The following FNDC3A variants were observed in gnomAD, a reference collection of about 807,000 sequenced individuals.
The protein encoded by FNDC3A is fibronectin type III domain containing 3A, also known as fibronectin type-III domain-containing protein 3A.
In FNDC3A, 32 loss-of-function variants were observed where a neutral mutation model predicts 148.9. That is an observed-to-expected ratio of 0.21 (90% confidence interval 0.16 to 0.29). FNDC3A has a LOEUF of 0.29. FNDC3A is among the 10% of genes least tolerant of loss of function. The pLI is 1.00. For missense variants in FNDC3A, 1,191 were observed against 1,452.8 expected, an observed-to-expected ratio of 0.82 and a Z score of 2.93; for synonymous variants, 472 against 473.6, an observed-to-expected ratio of 1.00 and a Z score of 0.04.
At chr13:49,029,943 G>C (rs893468222) in intron 2 of FNDC3A, among the ~76,000 whole-genome samples, 7 of 152,088 alleles carry the variant, frequency 4.6e-5, no homozygotes, top group Non-Finnish European at 1.0e-4. Context: ...CGTATAACAA[G>C]TAAAGAGATT....
intron 5 of FNDC3A, among the ~76,000 whole-genome samples, chr13:49,135,613 C>T (rs1440491870): frequency 6.6e-6 from 1 of 152,106 alleles, no homozygotes; most frequent in Non-Finnish European, 1.5e-5. Context: ...TCTTAAGGCA[C>T]TGCTAAATTA....
intron 3 of FNDC3A, among the ~76,000 whole-genome samples, chr13:49,101,999 T>C (rs983225546): frequency 6.6e-6 from 1 of 151,886 alleles, no homozygotes; most frequent in Non-Finnish European, 1.5e-5. Flanking sequence ...AGACTAGCCT[T>C]CCTCCTTTTT....
chr13:49,002,277 T>G (rs1303830208), intron 1 of FNDC3A, among the ~76,000 whole-genome samples: 1 of 152,186 alleles, frequency 6.6e-6, no homozygotes, highest in Non-Finnish European at 1.5e-5. Flanking sequence ...CACCATTGAG[T>G]GTGATCTTTC....
chr13:49,106,772 G>GCAAAAAAAAAAAAAAAAAAAAA (rs1555291718), intron 3 of FNDC3A, among the ~76,000 whole-genome samples: 2 of 7,884 alleles, frequency 2.5e-4, no homozygotes, highest in Non-Finnish European at 5.1e-4. Context: ...GTGAATGAAA[G>GCAAAAAAAAAAAAAAAAAAAAA]CAAAAAAAAA....
rs1006774749 is a variant in FNDC3A, at chr13:49,070,351, AAATT to A, written c.100-4932_100-4929del. Reference sequence around the variant, plus strand: ...CTCATTAAAAAAATAAAAACAGGAAAAATTAATTATAACATTTTAACCCAGTATG... The same window carrying A: ...CTCATTAAAAAAATAAAAACAGGAAAAATTATAACATTTTAACCCAGTATG... On this transcript the variant is annotated intron_variant, in intron 2 of 25. Coordinates refer to ENST00000492622, the MANE Select transcript of FNDC3A (RefSeq NM_001079673.2). Among the ~76,000 whole-genome samples, 3 of 152,090 alleles carry A rather than the reference AAATT, an allele frequency of 2.0e-5. 1 individual carries two copies. The highest frequency in any genetic ancestry group is 2.0e-4 in the Admixed American group (3 of 15,270).
intron 2 of FNDC3A, among the ~76,000 whole-genome samples, chr13:49,070,776 C>G (rs1384817501): frequency 6.6e-6 from 1 of 152,042 alleles, no homozygotes; most frequent in Non-Finnish European, 1.5e-5. Context: ...TTTCAGCTCC[C>G]ACATGTGAGT....
At chr13:48,979,992 T>G (rs928039) in intron 1 of FNDC3A, among the ~76,000 whole-genome samples, 151,140 of 152,200 alleles carry the variant, frequency 0.99, 75,057 homozygotes, top group Middle Eastern at 1. Flanking sequence ...ACTGTGAAAT[T>G]TCTTGCATCA....
intron 5 of FNDC3A, among the ~76,000 whole-genome samples, chr13:49,135,891 T>C (rs950286359): frequency 1.3e-5 from 2 of 152,122 alleles, no homozygotes; most frequent in Non-Finnish European, 2.9e-5. Flanking sequence ...CTTTTTTGAG[T>C]TATAAGGGAA....
intron 3 of FNDC3A, among the ~76,000 whole-genome samples, chr13:49,086,192 A>G (rs751664537): frequency 6.6e-6 from 1 of 152,084 alleles, no homozygotes; most frequent in Non-Finnish European, 1.5e-5. Context: ...TCTCCCATCT[A>G]TCTTTGTAGG....
intron 14 of FNDC3A, among the ~76,000 whole-genome samples, chr13:49,185,540 A>G (rs1247154046): frequency 1.3e-5 from 2 of 152,330 alleles, no homozygotes; most frequent in African/African-American, 4.8e-5. Context: ...GTCATTAAGT[A>G]TAACACACAC....
intron 8 of FNDC3A, among the ~76,000 whole-genome samples, chr13:49,161,474 A>G (rs1393470443): frequency 6.6e-6 from 1 of 151,278 alleles, no homozygotes; most frequent in Non-Finnish European, 1.5e-5. Flanking sequence ...CCATCCCTTT[A>G]TTTTGAGCCT....
chr13:49,020,841 CAT>C (rs1328936022), intron 2 of FNDC3A, among the ~76,000 whole-genome samples: 3 of 152,308 alleles, frequency 2.0e-5, no homozygotes, highest in East Asian at 1.9e-4. Context: ...GGTTAAGTAA[CAT>C]AGCTTCTGAA....
chr13:49,096,537 T>G (rs1191952181), intron 3 of FNDC3A, among the ~76,000 whole-genome samples: 4 of 152,136 alleles, frequency 2.6e-5, no homozygotes, highest in Non-Finnish European at 5.9e-5. Flanking sequence ...TTATTTTTAG[T>G]CTTAATGTGC....
At chr13:49,072,920 T>G (rs1306703121) in intron 2 of FNDC3A, among the ~76,000 whole-genome samples, 1 of 152,246 alleles carries the variant, frequency 6.6e-6, no homozygotes, top group Non-Finnish European at 1.5e-5. Flanking sequence ...AAGGATAATT[T>G]GACTTCTTCT....
At chr13:48,981,004 T>G (rs1951685273) in intron 1 of FNDC3A, among the ~76,000 whole-genome samples, 2 of 152,184 alleles carry the variant, frequency 1.3e-5, no homozygotes, top group South Asian at 4.1e-4. Context: ...ACTTTTGTAC[T>G]TTAATTTATT....
chr13:49,053,670 G>T (rs924310691), intron 2 of FNDC3A, among the ~76,000 whole-genome samples: 9 of 152,162 alleles, frequency 5.9e-5, no homozygotes, highest in Non-Finnish European at 1.3e-4. Flanking sequence ...ATAGAAAGAA[G>T]CGTCTAGGTT....
chr13:49,012,563 TGCACACACACACAA>T (rs1243395053), intron 2 of FNDC3A, among the ~76,000 whole-genome samples: 2 of 151,908 alleles, frequency 1.3e-5, no homozygotes, highest in African/African-American at 4.8e-5. Flanking sequence ...CACACACACA[TGCACACACACACAA>T]CACCTGCTGA....
chr13:49,194,861 T>G (rs1377713852), intron 19 of FNDC3A, among the ~76,000 whole-genome samples: 1 of 152,098 alleles, frequency 6.6e-6, no homozygotes, highest in African/African-American at 2.4e-5. Context: ...TATGGAAAGA[T>G]TTTTTAAACT....
chr13:49,017,797 G>A (rs917080491), intron 2 of FNDC3A, among the ~76,000 whole-genome samples: 1 of 151,546 alleles, frequency 6.6e-6, no homozygotes, highest in Non-Finnish European at 1.5e-5. Context: ...GGCAGGCCTG[G>A]TGGTGACAAA....
Sources: gnomAD v4.1 joint callset for allele counts (sites outside exome capture counted in the v4.1 genomes callset) on GRCh38, gnomAD v4.1.1 for gene constraint, MANE v1.5 for transcripts, NCBI Gene and HGNC (gene_info 2026-07-23, HGNC 2026-07-21) for gene names.